The following FRMD4A variants were observed in gnomAD, a reference collection of about 807,000 sequenced individuals.
FRMD4A encodes FERM domain containing 4A.
FRMD4A carries 29 observed loss-of-function variants against 129.1 expected under a neutral mutation model. The observed-to-expected ratio is 0.22, with a 90% CI of 0.17 to 0.31. The LOEUF (loss-of-function observed/expected upper bound fraction) is 0.31. Ranked by LOEUF, FRMD4A falls within the 10% of genes least tolerant of loss-of-function variation. The probability of loss-of-function intolerance (pLI) is 1.00; values close to 1 mark genes in which losing one functional copy is unlikely to be tolerated. For synonymous variants in FRMD4A, 634 were observed against 571.6 expected (o/e 1.11, Z -1.56); for missense variants, 1,272 against 1,375.8 (o/e 0.92, Z 1.19).
intron 2 of FRMD4A, among the ~76,000 whole-genome samples, chr10:14,231,704 G>A (rs191566070): frequency 2.9e-4 from 44 of 152,264 alleles, no homozygotes; most frequent in Admixed American, 2.9e-3. Context: ...TTTTTCTTAT[G>A]TGTGTTGGCC....
chr10:14,224,096 G>A (rs973180230), intron 2 of FRMD4A, among the ~76,000 whole-genome samples: 2 of 152,170 alleles, frequency 1.3e-5, no homozygotes, highest in Admixed American at 6.5e-5. Flanking sequence ...ACAGGACGGG[G>A]CTGCTTTGCC....
chr10:13,896,362 C>CT (rs2094758514), intron 2 of FRMD4A, among the ~76,000 whole-genome samples: 1 of 152,124 alleles, frequency 6.6e-6, no homozygotes, highest in Non-Finnish European at 1.5e-5. Context: ...AGTTCATATC[C>CT]TTTGCAGAGA....
intron 12 of FRMD4A, among the ~76,000 whole-genome samples, chr10:13,708,121 A>G (rs1238107067): frequency 6.6e-6 from 1 of 152,256 alleles, no homozygotes; most frequent in African/African-American, 2.4e-5. Context: ...GGGGTAAAGT[A>G]GGAATCTTGT....
At chr10:14,070,990 T>C (rs769572286) in intron 2 of FRMD4A, among the ~76,000 whole-genome samples, 1 of 152,224 alleles carries the variant, frequency 6.6e-6, no homozygotes, top group Admixed American at 6.5e-5. Context: ...ACAAAATTCA[T>C]GCCAGTGAAT....
At chr10:13,715,052 T>TA (rs11308475) in intron 12 of FRMD4A, among the ~76,000 whole-genome samples, 1 of 150,904 alleles carries the variant, frequency 6.6e-6, no homozygotes, top group Admixed American at 6.6e-5. Context: ...AATAAAAAAT[T>TA]AAAAAAAAAA....
At chr10:14,184,298 A>ATTTTTTTT (rs60196881) in intron 2 of FRMD4A, among the ~76,000 whole-genome samples, 4 of 104,896 alleles carry the variant, frequency 3.8e-5, no homozygotes, top group Non-Finnish European at 5.9e-5. Flanking sequence ...CAACCGGTTA[A>ATTTTTTTT]TTTTTTTTTT....
At chr10:14,202,470 C>T (rs886979426) in intron 2 of FRMD4A, among the ~76,000 whole-genome samples, 1 of 152,090 alleles carries the variant, frequency 6.6e-6, no homozygotes, top group Non-Finnish European at 1.5e-5. Context: ...GGCGCTATCT[C>T]GGCTCACTGC....
At chr10:13,652,051 A>ATTAGTAGC (rs765383683) in intron 23 of FRMD4A, 77 bp from the exon 24 acceptor site, 13 of 816,756 alleles carry the variant, frequency 1.6e-5, no homozygotes, top group Non-Finnish European at 2.9e-5. Context: ...CACAGACACG[A>ATTAGTAGC]TTAGTAGCTT....
chr10:13,683,691 A>G (rs2084824500), intron 15 of FRMD4A, among the ~76,000 whole-genome samples: 2 of 151,076 alleles, frequency 1.3e-5, no homozygotes, highest in African/African-American at 4.8e-5. Flanking sequence ...AATTAACGTG[A>G]ATTGTAGCTG....
At chr10:13,973,750 A>AGAAG (rs376205831) in intron 2 of FRMD4A, among the ~76,000 whole-genome samples, 4,586 of 151,694 alleles carry the variant, frequency 0.03, 126 homozygotes, top group African/African-American at 0.072. Flanking sequence ...AAGGAAGGGA[A>AGAAG]GAAGGAAGGA....
chr10:14,163,965 C>T (rs554107280), intron 2 of FRMD4A, among the ~76,000 whole-genome samples: 1 of 152,174 alleles, frequency 6.6e-6, no homozygotes, highest in African/African-American at 2.4e-5. Context: ...AGCCCCGAGG[C>T]GTGGCTACCC....
intron 2 of FRMD4A, among the ~76,000 whole-genome samples, chr10:14,221,971 A>G (rs1843276708): frequency 6.6e-6 from 1 of 152,188 alleles, no homozygotes; most frequent in Non-Finnish European, 1.5e-5. Context: ...GCTGCTTCTC[A>G]GGAAGGTAGG....
chr10:13,945,928 T>A (rs922468119), intron 2 of FRMD4A, among the ~76,000 whole-genome samples: 4 of 152,198 alleles, frequency 2.6e-5, no homozygotes, highest in African/African-American at 9.6e-5. Context: ...TTCAACTTCC[T>A]CTGGCTGCAA....
chr10:13,958,281 G>GTTTTTTT (rs35369777), intron 2 of FRMD4A, among the ~76,000 whole-genome samples: 5 of 104,656 alleles, frequency 4.8e-5, no homozygotes, highest in East Asian at 2.9e-4. Context: ...CATGACCATT[G>GTTTTTTT]TTTTTTTTTT....
At chr10:13,766,785 T>C (rs1207044739) in intron 6 of FRMD4A, among the ~76,000 whole-genome samples, 1 of 152,102 alleles carries the variant, frequency 6.6e-6, no homozygotes, top group Non-Finnish European at 1.5e-5. Context: ...CTTCAAAACC[T>C]GAAAGCTGGC....
chr10:13,958,256 C>T (rs2095421854), intron 2 of FRMD4A, among the ~76,000 whole-genome samples: 1 of 149,398 alleles, frequency 6.7e-6, no homozygotes, highest in South Asian at 2.1e-4. Flanking sequence ...GTAAAACAGT[C>T]GCGTGAACAA....
At chr10:13,785,819 T>C (rs959488240) in intron 5 of FRMD4A, among the ~76,000 whole-genome samples, 17 of 150,972 alleles carry the variant, frequency 1.1e-4, no homozygotes, top group African/African-American at 4.1e-4. Context: ...CCCCACCCTG[T>C]GTCCAAGTGT....
At position 13,646,082 on chromosome 10, in the gene FRMD4A, TG is replaced by T. The variant is rs2081099206; in HGVS notation, c.*955del. 6.6e-6 allele frequency: 1 copy of T among 152,504 alleles called. No individual in the cohort carries two copies. The highest frequency in any genetic ancestry group is 6.5e-5 in the Admixed American group (1 of 15,276). The allele number at this position is 152,504 out of a possible 1,614,324, so 9.4% of individuals were successfully genotyped here. ...CCACAGGTCTCTCTTTGTGTCCAGA[TG>T]GATGGCGACTGTGAGTCAGCAACGC... On this transcript the variant is annotated 3_prime_UTR_variant, in exon 25 of 25. Transcript: ENST00000357447.
At chr10:13,878,222 CAAAAAA>C (rs34559071) in intron 2 of FRMD4A, among the ~76,000 whole-genome samples, 6 of 91,336 alleles carry the variant, frequency 6.6e-5, no homozygotes, top group Non-Finnish European at 8.7e-5. Flanking sequence ...CTACTTGTAG[CAAAAAA>C]AAAAAAAAAA....
Sources: allele counts gnomAD v4.1 joint callset (sites outside exome capture counted in the v4.1 genomes callset), GRCh38; gene constraint gnomAD v4.1.1; transcripts MANE v1.5; gene names NCBI Gene and HGNC (gene_info 2026-07-23, HGNC 2026-07-21).